The following TRAF3IP1 variants were observed in gnomAD, a reference collection of about 807,000 sequenced individuals.
TRAF3IP1 encodes intraflagellar transport 54.
A neutral mutation model predicts 89.9 loss-of-function variants in TRAF3IP1; 53 were observed. The observed-to-expected ratio is 0.59, with a 90% CI of 0.47 to 0.74. The LOEUF is 0.74. TRAF3IP1 is among the 30% of genes least tolerant of loss of function. The pLI is 0.00. For missense variants in TRAF3IP1, 806 were observed against 866.1 expected (o/e 0.93, Z 0.87); for synonymous variants, 311 against 322.1 (o/e 0.97, Z 0.37).
chr2:238,355,965 G>A, intron 14 of TRAF3IP1, 39 bp from the exon 15 acceptor site: 1 of 1,521,316 alleles, frequency 6.6e-7, no homozygotes, highest in Non-Finnish European at 9.1e-7. Context: ...TTGGGATAGA[G>A]AATAAACTTT....
rs1171242945 is a variant in TRAF3IP1 at position 238,321,924 on chromosome 2, A to G, written c.123+1139A>G. Among the ~76,000 whole-genome samples the G allele has an allele frequency of 2.6e-5, 4 of 151,966 alleles. No homozygotes were observed. The East Asian group carries it at 5.8e-4, about 22-fold the overall frequency. ...TTTGCTTTACTGGTTCTGCCCTCCT[A>G]CCTTAGCTTATAACGTGTGGTCTCC... On this transcript the variant is annotated intron_variant, in intron 1 of 16. Coordinates refer to ENST00000373327, the MANE Select transcript of TRAF3IP1 (RefSeq NM_015650.4).
At chr2:238,390,669 T>C (rs1700955909) in intron 15 of TRAF3IP1, among the ~76,000 whole-genome samples, 1 of 152,212 alleles carries the variant, frequency 6.6e-6, no homozygotes, top group Admixed American at 6.5e-5. Context: ...GGTTAACATC[T>C]ACTTGAGGGT....
intron 15 of TRAF3IP1, among the ~76,000 whole-genome samples, chr2:238,363,063 T>G (rs1227156340): frequency 6.6e-6 from 1 of 152,256 alleles, no homozygotes; most frequent in Non-Finnish European, 1.5e-5. Context: ...TTTTCTTTTC[T>G]TCCCAAAATT....
intron 7 of TRAF3IP1, 22 bp downstream of exon 7, chr2:238,334,057 T>C: frequency 6.4e-7 from 1 of 1,552,820 alleles, no homozygotes; most frequent in Non-Finnish European, 8.8e-7. Flanking sequence ...CTTATATATG[T>C]AGCTGAAAAT....
chr2:238,331,472 G>A (rs983208437), intron 5 of TRAF3IP1, among the ~76,000 whole-genome samples: 6 of 152,158 alleles, frequency 3.9e-5, no homozygotes, highest in African/African-American at 7.2e-5. Flanking sequence ...GCGAGACTCC[G>A]TCTCAAACAA....
chr2:238,352,021 G>T (rs1475457356), intron 12 of TRAF3IP1, among the ~76,000 whole-genome samples: 2 of 152,038 alleles, frequency 1.3e-5, no homozygotes, highest in East Asian at 3.9e-4. Flanking sequence ...AACAAAGGCA[G>T]GAGGGGCCAT....
intron 8 of TRAF3IP1, 96 bp from the exon 9 acceptor site, chr2:238,344,401 A>G (rs1015716166): frequency 2.1e-6 from 2 of 967,148 alleles, no homozygotes; most frequent in Admixed American, 4.3e-5. Flanking sequence ...GTGGGAAAAC[A>G]TAGATAAGTA....
intron 3 of TRAF3IP1, among the ~76,000 whole-genome samples, chr2:238,328,012 AT>A (rs1574892326): frequency 2.0e-5 from 3 of 152,162 alleles, no homozygotes; most frequent in African/African-American, 7.2e-5. Context: ...TTGCTCCCAC[AT>A]TTTAGCTATT....
At chr2:238,370,370 G>T (rs770895979) in intron 15 of TRAF3IP1, among the ~76,000 whole-genome samples, 5 of 152,106 alleles carry the variant, frequency 3.3e-5, no homozygotes, top group African/African-American at 1.2e-4. Context: ...ACATGTATAC[G>T]TGTGCATGTC....
intron 15 of TRAF3IP1, among the ~76,000 whole-genome samples, chr2:238,362,010 C>T (rs111433892): frequency 4.5e-4 from 69 of 152,320 alleles, no homozygotes; most frequent in Middle Eastern, 3.4e-3. Context: ...GAGTTGCCCT[C>T]GGCAGGGTCA....
At chr2:238,368,505 CT>C (rs1699977902) in intron 15 of TRAF3IP1, among the ~76,000 whole-genome samples, 1 of 152,126 alleles carries the variant, frequency 6.6e-6, no homozygotes, top group African/African-American at 2.4e-5. Context: ...CTTGATAATA[CT>C]TACAATACTT....
In TRAF3IP1 at chr2:238,394,276, C is replaced by T. The variant is rs144944000; in HGVS notation, c.1690-3183C>T. 2.4e-3 allele frequency among the ~76,000 whole-genome samples: 366 copies of T among 152,280 alleles called. 4 individuals are homozygous for T. The highest frequency in any genetic ancestry group is 8.2e-3 in the African/African-American group (340 of 41,550). On this transcript the variant is annotated intron_variant, in intron 15 of 16. Transcript: ENST00000373327. Reference sequence around the variant, plus strand: ...GAAAATGTTTTAGCTATTGTAGTTCCTTTGCCTTTCTGTATACATTTTAGG... The same window carrying T: ...GAAAATGTTTTAGCTATTGTAGTTCTTTTGCCTTTCTGTATACATTTTAGG...
At chr2:238,341,371 C>T (rs1182478712) in intron 8 of TRAF3IP1, among the ~76,000 whole-genome samples, 1 of 151,948 alleles carries the variant, frequency 6.6e-6, no homozygotes, top group African/African-American at 2.4e-5. Flanking sequence ...AAAAAAACAT[C>T]CTAACACTTT....
chr2:238,356,182 T>C (rs916996741), intron 15 of TRAF3IP1, 102 bp downstream of exon 15: 39 of 959,084 alleles, frequency 4.1e-5, no homozygotes, highest in Non-Finnish European at 6.0e-5. Flanking sequence ...CCATTATCAG[T>C]GATGTCTGTT....
chr2:238,338,849 G>C (rs549493952), intron 8 of TRAF3IP1, among the ~76,000 whole-genome samples: 2 of 152,320 alleles, frequency 1.3e-5, no homozygotes, highest in East Asian at 3.9e-4. Context: ...TAAAGTGCTA[G>C]TTAGGCACGT....
At chr2:238,325,237 T>C (rs1697763822) in intron 1 of TRAF3IP1, 69 bp from the exon 2 acceptor site, 2 of 1,433,762 alleles carry the variant, frequency 1.4e-6, no homozygotes, top group African/African-American at 1.4e-5. Flanking sequence ...AAGTGTGGAG[T>C]TGAGTGGATG....
chr2:238,344,265 A>T (rs1698789890), intron 8 of TRAF3IP1, among the ~76,000 whole-genome samples: 1 of 152,044 alleles, frequency 6.6e-6, no homozygotes, highest in African/African-American at 2.4e-5. Context: ...TAGACCAAGG[A>T]TCCACTCATA....
Position 238,344,543 on chromosome 2 carries a change from T to G in TRAF3IP1, c.1206T>G (p.Asn402Lys). 1 of 1,614,198 alleles carries G rather than the reference T, an allele frequency of 6.2e-7. No homozygotes were observed. Among genetic ancestry groups the G allele is most frequent in the Non-Finnish European group, 8.5e-7 (1 of 1,180,026 alleles). ...NINSTSISDD[N>K]SASLRCENIQ... ...ACTCAACTAGTATTTCAGATGATAATTCAGCTAGTCTGCGGTGTGAGAATA... is the reference window on the plus strand; with the variant it reads ...ACTCAACTAGTATTTCAGATGATAAGTCAGCTAGTCTGCGGTGTGAGAATA... The change falls in exon 9 of 17, where the codon AAT (asparagine) becomes AAG (lysine). Residue 402 changes from asparagine (N) to lysine (K), a missense_variant. By Grantham distance (94) the Asn-to-Lys change is moderately conservative. This residue lies in a region of TRAF3IP1 where 732 missense variants were observed against 780.5 expected (regional missense o/e 0.94). Coordinates refer to ENST00000373327, the MANE Select transcript of TRAF3IP1 (RefSeq NM_015650.4).
intron 8 of TRAF3IP1, 75 bp downstream of exon 8, chr2:238,338,532 C>A: frequency 2.4e-6 from 2 of 828,134 alleles, no homozygotes; most frequent in Non-Finnish European, 1.9e-6. Context: ...TGTAGTTATA[C>A]ATTGTTAAAA....
Sources: allele counts gnomAD v4.1 joint callset (sites outside exome capture counted in the v4.1 genomes callset), GRCh38; gene constraint gnomAD v4.1.1; regional missense constraint gnomAD v4.1.1; transcripts MANE v1.5; gene names NCBI Gene and HGNC (gene_info 2026-07-23, HGNC 2026-07-21).